Variants in AFF2 observed in about 807,000 individuals in gnomAD.
AFF2 encodes the protein AF4/FMR2 family member 2.
Under a neutral mutation model 76.9 loss-of-function variants are expected in AFF2, and 14 were observed. The ratio of observed to expected loss-of-function variants is 0.18; its 90% CI spans 0.12 to 0.28. The LOEUF (loss-of-function observed/expected upper bound fraction) is 0.28. AFF2 is among the 10% of genes least tolerant of loss of function. The pLI is 1.00. For synonymous variants in AFF2, 398 were observed against 366.7 expected, an observed-to-expected ratio of 1.09 and a Z score of -0.98; for missense variants, 868 against 1,001.1, an observed-to-expected ratio of 0.87 and a Z score of 1.79.
intron 9 of AFF2, among the ~76,000 whole-genome samples, chrX:148,922,320 T>A (rs2071605103): frequency 1.8e-5 from 2 of 111,750 alleles, no homozygotes; most frequent in Non-Finnish European, 3.8e-5. Flanking sequence ...GAGCATAAAT[T>A]ATTTCTTTAA....
chrX:148,961,592 G>A (rs1206148706), intron 12 of AFF2, among the ~76,000 whole-genome samples: 2 of 112,047 alleles, frequency 1.8e-5, no homozygotes, highest in African/African-American at 6.5e-5. Context: ...TGGCAATTTT[G>A]TGCAACACAG....
chrX:148,933,460 T>G (rs1229448546), intron 9 of AFF2, among the ~76,000 whole-genome samples: 1 of 111,486 alleles, frequency 9.0e-6, no homozygotes, highest in Non-Finnish European at 1.9e-5. Context: ...CAAAGGACTA[T>G]GGGAAGGGAG....
chrX:148,836,538 A>T (rs1483590251), intron 4 of AFF2, among the ~76,000 whole-genome samples: 1 of 111,377 alleles, frequency 9.0e-6, no homozygotes, highest in Non-Finnish European at 1.9e-5. Flanking sequence ...GACTTTCATA[A>T]ATTTTGATCC....
Position 148,978,545 on chromosome X carries a change from C to A in AFF2, c.3570+90C>A, listed in dbSNP as rs2072354092. On this transcript the variant is annotated intron_variant, in intron 18 of 20. Coordinates refer to ENST00000370460, the MANE Select transcript of AFF2 (RefSeq NM_002025.4). Reference sequence around the variant, plus strand: ...CAGGTTATCGAATGTCAAATGCTGCCAAAGGCTTAACCTCTCTCCTCCCTG... The same window carrying A: ...CAGGTTATCGAATGTCAAATGCTGCAAAAGGCTTAACCTCTCTCCTCCCTG... 4.5e-6 allele frequency: 3 copies of A among 663,130 alleles called. No individual in the cohort carries two copies. In the Admixed American group the frequency reaches 7.2e-5, roughly 16 times the overall value. 54.6% of individuals were successfully genotyped at this position (663,130 alleles called of 1,213,427 possible). A position where few individuals can be genotyped will look rare whatever the true frequency, so the allele number is the denominator to read the frequency against.
intron 19 of AFF2, among the ~76,000 whole-genome samples, chrX:148,985,742 G>A (rs781843173): frequency 6.3e-5 from 7 of 110,740 alleles, no homozygotes; most frequent in Non-Finnish European, 9.4e-5. Context: ...CTATCAAGAA[G>A]TGACGAAGTA....
chrX:148,706,606 G>A (rs1400304693), intron 3 of AFF2, among the ~76,000 whole-genome samples: 1 of 112,130 alleles, frequency 8.9e-6, no homozygotes, highest in Non-Finnish European at 1.9e-5. Context: ...GGATCAAGAG[G>A]GTGTGTTGAT....
rs369896036 is a variant in AFF2 at position 148,899,879 on chromosome X, A to G, written c.1360-4342A>G. Among the ~76,000 whole-genome samples, 28 of 110,812 alleles carry G rather than the reference A, an allele frequency of 2.5e-4. No homozygotes were observed. The East Asian group carries it at 7.1e-3, about 28-fold the overall frequency. ...ATTTGTTTTCTGTAAAAGGAGGGGG[A>G]TAATGTCATAAGTCTGACTGTTCAG... On this transcript the variant is annotated intron_variant, in intron 8 of 20. Transcript: ENST00000370460.
chrX:148,925,590 G>T (rs988063997), intron 9 of AFF2, among the ~76,000 whole-genome samples: 2 of 112,156 alleles, frequency 1.8e-5, no homozygotes, highest in Non-Finnish European at 3.8e-5. Context: ...GTTACAAGAG[G>T]CATAGCCTGG....
At chrX:148,682,349 G>C (rs1363551154) in intron 3 of AFF2, among the ~76,000 whole-genome samples, 2 of 111,794 alleles carry the variant, frequency 1.8e-5, no homozygotes, top group South Asian at 3.8e-4. Context: ...GCTTGTTCCC[G>C]ACATCTACAA....
At chrX:148,933,350 T>C (rs1303025161) in intron 9 of AFF2, among the ~76,000 whole-genome samples, 2 of 111,782 alleles carry the variant, frequency 1.8e-5, no homozygotes, top group Non-Finnish European at 3.8e-5. Flanking sequence ...TTAAAAAGAC[T>C]TGGCCTAGAT....
chrX:148,595,900 A>G (rs1267463665), intron 1 of AFF2, among the ~76,000 whole-genome samples: 1 of 111,689 alleles, frequency 9.0e-6, no homozygotes, highest in Non-Finnish European at 1.9e-5. Flanking sequence ...TTTTTTAGAG[A>G]AATGAAGGCA....
At chrX:148,546,434 T>C (rs868973232) in intron 1 of AFF2, among the ~76,000 whole-genome samples, 4 of 112,331 alleles carry the variant, frequency 3.6e-5, no homozygotes, top group African/African-American at 6.5e-5. Context: ...ACTGTGATGA[T>C]GACAACAAAT....
At chrX:148,975,570 T>A (rs1378531941) in intron 16 of AFF2, among the ~76,000 whole-genome samples, 1 of 111,913 alleles carries the variant, frequency 8.9e-6, no homozygotes, top group Non-Finnish European at 1.9e-5. Context: ...CTGTAATAAG[T>A]CAGTGAGATT....
chrX:148,925,638 C>CT (rs1296769998), intron 9 of AFF2, among the ~76,000 whole-genome samples: 3 of 112,454 alleles, frequency 2.7e-5, no homozygotes, highest in Admixed American at 1.9e-4. Context: ...CAAATCCCAG[C>CT]TCTGTCACTT....
At chrX:148,582,009 C>T (rs1008604123) in intron 1 of AFF2, among the ~76,000 whole-genome samples, 18 of 111,840 alleles carry the variant, frequency 1.6e-4, no homozygotes, top group Non-Finnish European at 5.7e-5. Context: ...TTTGTTATTT[C>T]ATGTCCTTGA....
At chrX:148,688,899 C>A (rs1021679426) in intron 3 of AFF2, among the ~76,000 whole-genome samples, 1 of 111,998 alleles carries the variant, frequency 8.9e-6, no homozygotes, top group African/African-American at 3.2e-5. Context: ...AGTAAAAATA[C>A]ATTATTATAA....
At chrX:148,740,075 T>C (rs1557265484) in intron 3 of AFF2, among the ~76,000 whole-genome samples, 1 of 111,898 alleles carries the variant, frequency 8.9e-6, no homozygotes, top group East Asian at 2.8e-4. Context: ...CTCACCACTC[T>C]TAAGATTTTT....
intron 9 of AFF2, among the ~76,000 whole-genome samples, chrX:148,930,690 T>C (rs1278514329): frequency 1.8e-5 from 2 of 112,280 alleles, no homozygotes; most frequent in Non-Finnish European, 3.8e-5. Context: ...AAGCAAGGAC[T>C]CTTTGAGGCC....
chrX:148,764,430 G>A (rs1557267537), intron 3 of AFF2, among the ~76,000 whole-genome samples: 1 of 112,267 alleles, frequency 8.9e-6, no homozygotes, highest in Non-Finnish European at 1.9e-5. Context: ...CATAAAATAA[G>A]TTGTCTAAAT....
Sources: gnomAD v4.1 joint callset for allele counts (sites outside exome capture counted in the v4.1 genomes callset) on GRCh38, gnomAD v4.1.1 for gene constraint, MANE v1.5 for transcripts, NCBI Gene and HGNC (gene_info 2026-07-23, HGNC 2026-07-21) for gene names.